The following GK5 variants were observed in gnomAD, a reference collection of about 807,000 sequenced individuals.
GK5 encodes the protein glycerol kinase 5, also known as ATP:glycerol 3-phosphotransferase 5.
Under a neutral mutation model 77.3 loss-of-function variants are expected in GK5, and 39 were observed. The ratio of observed to expected loss-of-function variants is 0.50; its 90% CI spans 0.39 to 0.66. The LOEUF (loss-of-function observed/expected upper bound fraction) is 0.66. Ranked by LOEUF, GK5 falls within the 30% of genes least tolerant of loss-of-function variation. GK5 has a pLI of 0.00. For missense variants in GK5, 487 were observed against 633.8 expected (o/e 0.77, Z 2.49); for synonymous variants, 211 against 208.0 (o/e 1.01, Z -0.13).
chr3:142,215,647 C>G lies in GK5; in HGVS notation c.193G>C (p.Asp65His), dbSNP rs2064265110. The change falls in exon 2 of 16, where the codon GAT (aspartate) becomes CAT (histidine). Residue 65 changes from aspartate to histidine, a missense_variant. By Grantham distance (81) the Asp-to-His change is moderately conservative (BLOSUM62 -1). Coordinates refer to ENST00000392993, the MANE Select transcript of GK5 (RefSeq NM_001039547.3). The stretch of plus-strand genomic sequence containing the variant: ...GCAACAAATTGAATCCAAAGAACAT[C>G]AGGATCAATTTCTACCCAGCCAATT... ...PQIGWVEIDP[D>H]VLWIQFVAVI... is the part of the protein sequence containing the mutation. 1 of 1,599,680 alleles carries G rather than the reference C, an allele frequency of 6.3e-7. No individual in the cohort carries two copies. The highest frequency in any genetic ancestry group is 1.3e-5 in the African/African-American group (1 of 74,658).
At chr3:142,167,738 G>A (rs1031669407) in intron 15 of GK5, among the ~76,000 whole-genome samples, 7 of 152,156 alleles carry the variant, frequency 4.6e-5, no homozygotes, top group Admixed American at 6.5e-5. Context: ...GGGGCTGGGC[G>A]CAGAGGCTCA....
chr3:142,212,894 C>A (rs558299198), intron 3 of GK5, among the ~76,000 whole-genome samples: 1 of 134,686 alleles, frequency 7.4e-6, no homozygotes, highest in Non-Finnish European at 1.5e-5. Context: ...AGTGCAGTGG[C>A]GCAATCTCGG....
In GK5 at chr3:142,225,502, C is replaced by A. The variant is rs560941734; in HGVS notation, c.-47G>T. The A allele has an allele frequency of 1.9e-6, 3 of 1,579,166 alleles. No individual in the cohort carries two copies. The highest frequency in any genetic ancestry group is 1.4e-5 in the African/African-American group (1 of 73,376). On this transcript the variant is annotated 5_prime_UTR_variant, in exon 1 of 16. Transcript: ENST00000392993. ...GCTACAGCCGCCTACCCAGAGGGCG[C>A]GCTACAAATCCCAATGCTCCAGAGT...
At chr3:142,210,821 A>G (rs2064179979) in intron 3 of GK5, among the ~76,000 whole-genome samples, 1 of 152,190 alleles carries the variant, frequency 6.6e-6, no homozygotes, top group Admixed American at 6.5e-5. Flanking sequence ...TTCCGACCTT[A>G]CTGTCATGAG....
rs2063709673 is a variant in GK5 at position 142,182,427 on chromosome 3, C to G, written c.943+496G>C. Among the ~76,000 whole-genome samples the G allele has an allele frequency of 2.0e-5, 3 of 152,116 alleles. No individual in the cohort carries two copies. The South Asian group carries it at 6.2e-4, about 31-fold the overall frequency. Reference sequence around the variant, plus strand: ...TGGCGCGATCTTGGCTCACTGCAACCTCTGCCTCCCCGGTTCAAGTGATTC... The same window carrying G: ...TGGCGCGATCTTGGCTCACTGCAACGTCTGCCTCCCCGGTTCAAGTGATTC... On this transcript the variant is annotated intron_variant, in intron 10 of 15. Coordinates refer to ENST00000392993, the MANE Select transcript of GK5 (RefSeq NM_001039547.3).
intron 3 of GK5, among the ~76,000 whole-genome samples, chr3:142,213,020 G>A (rs1451352434): frequency 3.3e-5 from 5 of 151,524 alleles, no homozygotes; most frequent in African/African-American, 4.9e-5. Flanking sequence ...ATTTTTAGTA[G>A]AGACGGGGTT....
At chr3:142,192,572 T>C (rs570620684) in intron 5 of GK5, among the ~76,000 whole-genome samples, 461 of 152,268 alleles carry the variant, frequency 3.0e-3, no homozygotes, top group South Asian at 5.8e-3. Context: ...GAGAGCAGCC[T>C]GGCCAACATG....
chr3:142,223,383 G>A (rs1188279446), intron 1 of GK5, among the ~76,000 whole-genome samples: 1 of 152,230 alleles, frequency 6.6e-6, no homozygotes, highest in Non-Finnish European at 1.5e-5. Flanking sequence ...TCTTAGAAAG[G>A]TAATGAGTAC....
rs550099294 is a variant in GK5 at position 142,189,420 on chromosome 3, G to A, written c.544-1641C>T. Among the ~76,000 whole-genome samples, 5 of 152,208 alleles carry A rather than the reference G, an allele frequency of 3.3e-5. No homozygotes were observed. In the South Asian group the frequency reaches 1.0e-3, roughly 32 times the overall value. ...AAGAGTTATGCCACTTAAATATGGAGCGCCTTCAAGTATTCTTATATTTCA... is the reference window on the plus strand; with the variant it reads ...AAGAGTTATGCCACTTAAATATGGAACGCCTTCAAGTATTCTTATATTTCA... On this transcript the variant is annotated intron_variant, in intron 5 of 15. Transcript: ENST00000392993.
intron 3 of GK5, among the ~76,000 whole-genome samples, chr3:142,209,529 A>C (rs2064163063): frequency 6.6e-6 from 1 of 152,228 alleles, no homozygotes. Flanking sequence ...TATCAACAAA[A>C]AAAGGAAAAA....
chr3:142,206,605 T>C (rs888702306), intron 3 of GK5, among the ~76,000 whole-genome samples: 2 of 152,234 alleles, frequency 1.3e-5, no homozygotes, highest in South Asian at 2.1e-4. Context: ...TGCTTTCTTG[T>C]TGTTGAATTG....
At chr3:142,221,486 C>T (rs13324215) in intron 1 of GK5, among the ~76,000 whole-genome samples, 9,779 of 152,086 alleles carry the variant, frequency 0.064, 880 homozygotes, top group African/African-American at 0.2. Context: ...TACAGGAGAA[C>T]CAAACCAAAA....
intron 15 of GK5, among the ~76,000 whole-genome samples, chr3:142,166,789 C>A (rs538046777): frequency 1.3e-5 from 2 of 152,284 alleles, no homozygotes; most frequent in East Asian, 3.9e-4. Context: ...CCCTCCTCAG[C>A]CCCGCAAAGT....
chr3:142,192,501 T>C (rs1387279056), intron 5 of GK5, among the ~76,000 whole-genome samples: 2 of 152,176 alleles, frequency 1.3e-5, no homozygotes, highest in Non-Finnish European at 2.9e-5. Flanking sequence ...CGGTGGCTCA[T>C]GCTTGTAATT....
chr3:142,211,558 A>C (rs1165999949), intron 3 of GK5, among the ~76,000 whole-genome samples: 1 of 152,184 alleles, frequency 6.6e-6, no homozygotes, highest in Non-Finnish European at 1.5e-5. Context: ...TTGGGACGCC[A>C]AGGCAGGCAG....
At chr3:142,196,316 T>C (rs1327933122) in intron 5 of GK5, among the ~76,000 whole-genome samples, 1 of 152,132 alleles carries the variant, frequency 6.6e-6, no homozygotes, top group African/African-American at 2.4e-5. Context: ...ATTAATTTTG[T>C]TCTAATTCCA....
intron 3 of GK5, among the ~76,000 whole-genome samples, chr3:142,207,363 C>T (rs1408586333): frequency 1.3e-5 from 2 of 152,166 alleles, no homozygotes; most frequent in African/African-American, 4.8e-5. Context: ...AGCTTCACGT[C>T]CTGTTTCCAT....
At chr3:142,182,418 C>G (rs1381017624) in intron 10 of GK5, among the ~76,000 whole-genome samples, 1 of 152,050 alleles carries the variant, frequency 6.6e-6, no homozygotes, top group Non-Finnish European at 1.5e-5. Flanking sequence ...GATCTTGGCT[C>G]ACTGCAACCT....
chr3:142,185,843 G>T, intron 9 of GK5, 86 bp downstream of exon 9: 2 of 1,553,340 alleles, frequency 1.3e-6, no homozygotes, highest in South Asian at 2.4e-5. Flanking sequence ...AAGACCTTCT[G>T]TTTCTCTTAA....
Sources: allele counts gnomAD v4.1 joint callset (sites outside exome capture counted in the v4.1 genomes callset), GRCh38; gene constraint gnomAD v4.1.1; transcripts MANE v1.5; gene names NCBI Gene and HGNC (gene_info 2026-07-23, HGNC 2026-07-21).